The following POLI variants were observed in gnomAD, a reference collection of about 807,000 sequenced individuals.
POLI encodes DNA polymerase iota.
In POLI, 58 loss-of-function variants were observed where a neutral mutation model predicts 51.6. The observed-to-expected ratio is 1.12, with a 90% CI of 0.91 to 1.40. POLI has a LOEUF of 1.40. POLI is among the 40% of genes most tolerant of loss of function. The pLI is 0.00. For synonymous variants in POLI, 322 were observed against 299.7 expected, an observed-to-expected ratio of 1.07 and a Z score of -0.77; for missense variants, 921 against 871.3, an observed-to-expected ratio of 1.06 and a Z score of -0.72.
chr18:54,295,646 G>A lies in POLI; in HGVS notation c.*1179G>A, dbSNP rs1175935635. The A allele has an allele frequency of 3.7e-6, 2 of 535,892 alleles. No individual in the cohort carries two copies. Among genetic ancestry groups the A allele is most frequent in the African/African-American group, 4.2e-5 (2 of 47,370 alleles). The allele number at this position is 535,892 out of a possible 1,614,324, so 33.2% of individuals were successfully genotyped here. ...TTCTTTTCTTTCTTTTTTTGTTTTGGAGACAGAGTCTCACTCTGTCGCCCA... is the reference window on the plus strand; with the variant it reads ...TTCTTTTCTTTCTTTTTTTGTTTTGAAGACAGAGTCTCACTCTGTCGCCCA... On this transcript the variant is annotated 3_prime_UTR_variant, in exon 10 of 10. Coordinates refer to ENST00000579534, the MANE Select transcript of POLI (RefSeq NM_007195.3).
intron 9 of POLI, 77 bp from the exon 10 acceptor site, chr18:54,293,572 C>A: frequency 2.0e-6 from 2 of 1,013,938 alleles, no homozygotes; most frequent in Non-Finnish European, 2.8e-6. Flanking sequence ...CAGATAATAG[C>A]TACAGGCACA....
chr18:54,272,826 CT>C (rs1372812065), intron 2 of POLI, among the ~76,000 whole-genome samples: 9 of 151,684 alleles, frequency 5.9e-5, no homozygotes, highest in Non-Finnish European at 1.3e-4. Context: ...TAAAGGACTC[CT>C]TTTTTTAGTT....
intron 3 of POLI, among the ~76,000 whole-genome samples, chr18:54,310,273 G>T (rs181674589): frequency 2.0e-4 from 31 of 152,154 alleles, no homozygotes; most frequent in Non-Finnish European, 4.1e-4. Flanking sequence ...TTTCTAGTTC[G>T]CTGTTTTACT....
intron 3 of POLI, among the ~76,000 whole-genome samples, chr18:54,310,157 C>T (rs930026961): frequency 4.7e-4 from 72 of 152,164 alleles, no homozygotes; most frequent in Non-Finnish European, 8.8e-4. Context: ...GGAAATCACC[C>T]GTCTTCTGCA....
intron 2 of POLI, among the ~76,000 whole-genome samples, chr18:54,273,440 TG>T (rs763798393): frequency 6.6e-6 from 1 of 151,644 alleles, no homozygotes; most frequent in East Asian, 1.9e-4. Flanking sequence ...TAAATTAATC[TG>T]CTTTTATATT....
chr18:54,284,881 A>G (rs181172123), intron 7 of POLI, among the ~76,000 whole-genome samples: 76 of 152,326 alleles, frequency 5.0e-4, no homozygotes, highest in African/African-American at 1.7e-3. Context: ...TCCATATTCC[A>G]CAGATGAGTA....
At position 54,293,438 on chromosome 18, in the gene POLI, AAACCTCTTCCTGGAATAGTGGGT is replaced by A. The variant is rs143701378; in HGVS notation, c.1405-209_1405-187del. On this transcript the variant is annotated intron_variant, in intron 9 of 9. Transcript: ENST00000579534. ...TCTGTCTCAGTGCTATCTAGGAAGG[AAACCTCTTCCTGGAATAGTGGGT>A]AGAGATTCACAAAATAGTGTGAATA... Among the ~76,000 whole-genome samples the A allele has an allele frequency of 7.4e-3, 1,123 of 152,172 alleles. 13 individuals are homozygous for A. The highest frequency in any genetic ancestry group is 0.026 in the African/African-American group (1,066 of 41,536).
chr18:54,319,860 A>G (rs1169675478), intron 3 of POLI, among the ~76,000 whole-genome samples: 2 of 152,116 alleles, frequency 1.3e-5, no homozygotes, highest in Non-Finnish European at 2.9e-5. Flanking sequence ...CAATTTTCCT[A>G]TTTGTAAGAC....
chr18:54,295,457 G>A lies in POLI; in HGVS notation c.*990G>A, dbSNP rs561124431. ...ATATAATTTGCAAGACATAGAGGAT[G>A]TTTATAGAATATACTAAAGTATCCC... On this transcript the variant is annotated 3_prime_UTR_variant, in exon 10 of 10. Coordinates refer to ENST00000579534, the MANE Select transcript of POLI (RefSeq NM_007195.3). 54 of 971,492 alleles carry A rather than the reference G, an allele frequency of 5.6e-5. No individual in the cohort carries two copies. The African/African-American group carries it at 9.5e-4, about 17-fold the overall frequency. 60.2% of individuals were successfully genotyped at this position (971,492 alleles called of 1,614,324 possible).
chr18:54,299,277 T>G (rs1314939977), downstream of POLI, among the ~76,000 whole-genome samples: 1 of 151,936 alleles, frequency 6.6e-6, no homozygotes, highest in Non-Finnish European at 1.5e-5. Context: ...TCTACCAAAA[T>G]ACAAAAAGTT....
downstream of POLI, among the ~76,000 whole-genome samples, chr18:54,301,679 C>T (rs913591774): frequency 2.6e-5 from 4 of 152,118 alleles, no homozygotes; most frequent in African/African-American, 4.8e-5. Flanking sequence ...TCTAGCTGTT[C>T]GTGCCTCCAG....
chr18:54,272,374 A>G (rs1599153505), intron 2 of POLI: 1 of 152,284 alleles, frequency 6.6e-6, no homozygotes, highest in East Asian at 1.9e-4. Flanking sequence ...AATGCTTAAT[A>G]AAAAAACTGT....
downstream of POLI, among the ~76,000 whole-genome samples, chr18:54,301,866 A>G (rs1599269563): frequency 4.6e-5 from 7 of 152,146 alleles, no homozygotes; most frequent in Middle Eastern, 0.02. Flanking sequence ...GTTCTTCCTT[A>G]TTCTCTAAAT....
chr18:54,296,912 T>C lies in POLI; in HGVS notation c.*2445T>C. 5.2e-6 allele frequency: 5 copies of C among 956,028 alleles called. No individual in the cohort carries two copies. Among genetic ancestry groups the C allele is most frequent in the Non-Finnish European group, 6.2e-6 (5 of 803,190 alleles). The allele number at this position is 956,028 out of a possible 1,614,324, so 59.2% of individuals were successfully genotyped here. ...TCAATATTTTAAGTCTTTATAAGTC[T>C]ACATTTAAGGTTATTATTGCATATC... On this transcript the variant is annotated 3_prime_UTR_variant, in exon 10 of 10. Coordinates refer to ENST00000579534, the MANE Select transcript of POLI (RefSeq NM_007195.3).
At chr18:54,282,406 CAGT>C (rs1239275682) in intron 5 of POLI, among the ~76,000 whole-genome samples, 3 of 152,128 alleles carry the variant, frequency 2.0e-5, no homozygotes, top group Non-Finnish European at 4.4e-5. Flanking sequence ...TTGCAAAATA[CAGT>C]AGTCCCCCAT....
At chr18:54,282,274 T>A (rs1446001543) in intron 5 of POLI, among the ~76,000 whole-genome samples, 1 of 152,262 alleles carries the variant, frequency 6.6e-6, no homozygotes, top group South Asian at 2.1e-4. Flanking sequence ...AAGACAGCAT[T>A]TATTGGCTGT....
chr18:54,299,435 A>G (rs1260672139), downstream of POLI, among the ~76,000 whole-genome samples: 2 of 152,190 alleles, frequency 1.3e-5, no homozygotes, highest in Non-Finnish European at 1.5e-5. Context: ...ACTCCATCTC[A>G]AAACAAAACA....
chr18:54,272,060 G>A (rs2144436214), intron 2 of POLI: 1 of 152,250 alleles, frequency 6.6e-6, no homozygotes, highest in South Asian at 2.1e-4. Context: ...ATTTTAAATT[G>A]AGAAAGATAA....
chr18:54,297,726 C>G lies in POLI; in HGVS notation c.*3259C>G. 1.0e-6 allele frequency: 1 copy of G among 970,436 alleles called. No individual in the cohort carries two copies. The highest frequency in any genetic ancestry group is 1.2e-6 in the Non-Finnish European group (1 of 816,376). 60.1% of individuals were successfully genotyped at this position (970,436 alleles called of 1,614,324 possible). A position where few individuals can be genotyped will look rare whatever the true frequency, so the allele number is the denominator to read the frequency against. ...GATTATCCTTAAACATCTAAAAATGCTACCCTCTTTCCAAACAACACAAAG... is the reference window on the plus strand; with the variant it reads ...GATTATCCTTAAACATCTAAAAATGGTACCCTCTTTCCAAACAACACAAAG... On this transcript the variant is annotated 3_prime_UTR_variant, in exon 10 of 10. Transcript: ENST00000579534.
Sources: allele counts gnomAD v4.1 joint callset (sites outside exome capture counted in the v4.1 genomes callset), GRCh38; gene constraint gnomAD v4.1.1; transcripts MANE v1.5; gene names NCBI Gene and HGNC (gene_info 2026-07-23, HGNC 2026-07-21).